Variants in AUTS2 observed in about 807,000 individuals in gnomAD.
The protein encoded by AUTS2 is activator of transcription and developmental regulator AUTS2, also known as autism susceptibility gene 2 protein.
AUTS2 carries 17 observed loss-of-function variants against 112.4 expected under a neutral mutation model. The ratio of observed to expected loss-of-function variants is 0.15; its 90% CI spans 0.10 to 0.23. The LOEUF is 0.23. AUTS2 is among the 10% of genes least tolerant of loss of function. The pLI is 1.00. For missense variants in AUTS2, 1,510 were observed against 1,701.6 expected (o/e 0.89, Z 1.98); for synonymous variants, 751 against 702.7 (o/e 1.07, Z -1.09).
At chr7:70,544,441 C>T (rs190738423) in intron 5 of AUTS2, among the ~76,000 whole-genome samples, 11 of 151,998 alleles carry the variant, frequency 7.2e-5, no homozygotes, top group African/African-American at 2.4e-4. Context: ...CTAGTTAGGC[C>T]GAGAAATGAT....
intron 2 of AUTS2, among the ~76,000 whole-genome samples, chr7:69,978,140 T>C (rs752338640): frequency 5.9e-5 from 9 of 152,184 alleles, no homozygotes; most frequent in Admixed American, 1.3e-4. Flanking sequence ...TATCTTCATC[T>C]TTCTCCTATT....
chr7:70,207,539 A>G (rs1810631646), intron 4 of AUTS2, among the ~76,000 whole-genome samples: 1 of 152,246 alleles, frequency 6.6e-6, no homozygotes, highest in African/African-American at 2.4e-5. Flanking sequence ...TGAGGATTCA[A>G]ATTCTTGCTT....
chr7:69,862,770 C>T (rs555620159), intron 1 of AUTS2, among the ~76,000 whole-genome samples: 47 of 152,264 alleles, frequency 3.1e-4, no homozygotes, highest in African/African-American at 1.1e-3. Flanking sequence ...CCTGCACAGT[C>T]TCTACTCCTG....
At chr7:70,757,717 G>GTTCCCTGTC (rs1436711656) in intron 6 of AUTS2, among the ~76,000 whole-genome samples, 1 of 148,602 alleles carries the variant, frequency 6.7e-6, no homozygotes, top group Non-Finnish European at 1.5e-5. Context: ...ACACACCCCA[G>GTTCCCTGTC]TTCCCTGTCT....
At position 70,262,828 on chromosome 7, in the gene AUTS2, G is replaced by A. The variant is rs1028136268; in HGVS notation, c.660+128257G>A. 5.9e-5 allele frequency among the ~76,000 whole-genome samples: 9 copies of A among 152,220 alleles called. No individual in the cohort carries two copies. The East Asian group carries it at 1.5e-3, about 26-fold the overall frequency. On this transcript the variant is annotated intron_variant, in intron 4 of 18. Coordinates refer to ENST00000342771, the MANE Select transcript of AUTS2 (RefSeq NM_015570.4). ...TGGCCACAGTAGAGTCATGATGTTA[G>A]CCCTTATATTTATAATGAGGACAAT...
intron 6 of AUTS2, among the ~76,000 whole-genome samples, chr7:70,748,958 T>C (rs1032313660): frequency 1.3e-5 from 2 of 152,178 alleles, no homozygotes; most frequent in African/African-American, 4.8e-5. Flanking sequence ...GTGCTCACAG[T>C]TGTACTTGGG....
At chr7:69,873,931 A>G (rs1236405452) in intron 1 of AUTS2, among the ~76,000 whole-genome samples, 96 of 152,264 alleles carry the variant, frequency 6.3e-4, no homozygotes, top group South Asian at 2.1e-4. Flanking sequence ...GGAGGAATCC[A>G]TAGATTGGTA....
chr7:70,555,253 G>A (rs1387842850), intron 5 of AUTS2, among the ~76,000 whole-genome samples: 2 of 152,200 alleles, frequency 1.3e-5, no homozygotes, highest in African/African-American at 2.4e-5. Flanking sequence ...GCATTCCTGT[G>A]AGTTTATTAG....
chr7:70,747,689 A>G (rs1788542755), intron 6 of AUTS2, among the ~76,000 whole-genome samples: 1 of 151,338 alleles, frequency 6.6e-6, no homozygotes, highest in African/African-American at 2.4e-5. Flanking sequence ...GTTTCGCTGT[A>G]TTGGCCAGCT....
intron 4 of AUTS2, among the ~76,000 whole-genome samples, chr7:70,154,901 A>T (rs2129576665): frequency 6.6e-6 from 1 of 151,978 alleles, no homozygotes; most frequent in Non-Finnish European, 1.5e-5. Context: ...GCTTTCTTGG[A>T]TCAAATTGTA....
chr7:69,643,468 A>T (rs1794884849), intron 1 of AUTS2: 1 of 151,390 alleles, frequency 6.6e-6, no homozygotes, highest in African/African-American at 2.4e-5. Flanking sequence ...TAAGTATCTC[A>T]CTTCATACTA....
At chr7:69,801,671 A>G (rs1048370098) in intron 1 of AUTS2, among the ~76,000 whole-genome samples, 1 of 152,130 alleles carries the variant, frequency 6.6e-6, no homozygotes, top group African/African-American at 2.4e-5. Context: ...GCATTTGTTC[A>G]TTTATTCATT....
At chr7:70,459,894 C>T (rs1796892422) in intron 5 of AUTS2, among the ~76,000 whole-genome samples, 1 of 152,150 alleles carries the variant, frequency 6.6e-6, no homozygotes, top group Non-Finnish European at 1.5e-5. Context: ...GCAAAGCCAG[C>T]CCCAGCCCTC....
intron 2 of AUTS2, among the ~76,000 whole-genome samples, chr7:69,985,266 G>A (rs1453927985): frequency 2.7e-5 from 4 of 150,412 alleles, no homozygotes; most frequent in Non-Finnish European, 4.4e-5. Context: ...AAGAAAACGT[G>A]CCCTGTTTTT....
intron 2 of AUTS2, among the ~76,000 whole-genome samples, chr7:70,059,877 A>C (rs892208255): frequency 1.3e-5 from 2 of 152,226 alleles, no homozygotes; most frequent in Non-Finnish European, 2.9e-5. Flanking sequence ...TTAGTTCCAA[A>C]TAGCTGCTTG....
intron 5 of AUTS2, among the ~76,000 whole-genome samples, chr7:70,578,348 A>G (rs928672910): frequency 1.4e-4 from 22 of 152,232 alleles, no homozygotes; most frequent in Admixed American, 5.2e-4. Context: ...CAAAGGCTAA[A>G]TCGATTAGTG....
intron 4 of AUTS2, among the ~76,000 whole-genome samples, chr7:70,267,188 T>C (rs191681528): frequency 8.7e-4 from 132 of 152,342 alleles, no homozygotes; most frequent in East Asian, 7.5e-3. Flanking sequence ...TGTAGCAAAT[T>C]GCATTATGAA....
In AUTS2 at chr7:69,863,182, A is replaced by G. The variant is rs1324873756; in HGVS notation, c.310-36104A>G. Among the ~76,000 whole-genome samples the G allele has an allele frequency of 2.6e-5, 4 of 152,152 alleles. No individual in the cohort carries two copies. In the East Asian group the frequency reaches 5.8e-4, roughly 22 times the overall value. ...GTTGATTCAGCTAACCATGCATGGA[A>G]AGTATTTGAAGAAGAAAAAAAGGAT... is the stretch of plus-strand genomic sequence containing the variant. On this transcript the variant is annotated intron_variant, in intron 1 of 18. Transcript: ENST00000342771.
At chr7:70,024,295 G>A (rs543224893) in intron 2 of AUTS2, among the ~76,000 whole-genome samples, 2 of 152,186 alleles carry the variant, frequency 1.3e-5, no homozygotes, top group Non-Finnish European at 2.9e-5. Flanking sequence ...AGCAGGTACT[G>A]GGTGGCAGAT....
Sources: allele counts gnomAD v4.1 joint callset (sites outside exome capture counted in the v4.1 genomes callset), GRCh38; gene constraint gnomAD v4.1.1; transcripts MANE v1.5; gene names NCBI Gene and HGNC (gene_info 2026-07-23, HGNC 2026-07-21).